The following SPIDR variants were observed in gnomAD, a reference collection of about 807,000 sequenced individuals.
SPIDR encodes scaffold protein involved in DNA repair, also known as DNA repair-scaffolding protein.
In SPIDR, 93 loss-of-function variants were observed where a neutral mutation model predicts 104.6. That is an observed-to-expected ratio of 0.89 (90% CI 0.75 to 1.06). The LOEUF (loss-of-function observed/expected upper bound fraction) is 1.06. Ranked by LOEUF, SPIDR falls within the 50% of genes least tolerant of loss-of-function variation. The pLI, the probability that SPIDR is intolerant of heterozygous loss-of-function variation, is 0.00. For synonymous variants in SPIDR, 431 were observed against 416.9 expected (o/e 1.03, Z -0.41); for missense variants, 1,154 against 1,111.2 (o/e 1.04, Z -0.55).
intron 10 of SPIDR, among the ~76,000 whole-genome samples, chr8:47,631,861 GCCAA>G (rs2154442613): frequency 6.6e-6 from 1 of 152,266 alleles, no homozygotes; most frequent in Non-Finnish European, 1.5e-5. Context: ...AAACCAAAAG[GCCAA>G]CTGTTTTATT....
intron 16 of SPIDR, among the ~76,000 whole-genome samples, chr8:47,722,615 T>C (rs2083560822): frequency 6.6e-6 from 1 of 152,240 alleles, no homozygotes; most frequent in Non-Finnish European, 1.5e-5. Context: ...CTGCACTTTA[T>C]ATTGTTAAGA....
At chr8:47,317,452 GGGAAGCTGGAACT>G (rs2154259329) in intron 5 of SPIDR, among the ~76,000 whole-genome samples, 1 of 152,244 alleles carries the variant, frequency 6.6e-6, no homozygotes, top group East Asian at 1.9e-4. Flanking sequence ...CAAAGCCACA[GGGAAGCTGGAACT>G]GGATGGAGCC....
chr8:47,387,420 A>G (rs2154304593), intron 5 of SPIDR, among the ~76,000 whole-genome samples: 1 of 152,216 alleles, frequency 6.6e-6, no homozygotes, highest in East Asian at 1.9e-4. Flanking sequence ...GGAGGGCAGG[A>G]GTGGAGCAAG....
At chr8:47,423,196 G>A (rs11785228) in intron 7 of SPIDR, among the ~76,000 whole-genome samples, 79,351 of 151,492 alleles carry the variant, frequency 0.52, 24,487 homozygotes, top group East Asian at 0.72. Flanking sequence ...TACTCGGGAG[G>A]CTGTTACAGG....
intron 15 of SPIDR, 149 bp downstream of exon 15, chr8:47,713,021 C>T (rs986360510): frequency 1.4e-5 from 20 of 1,416,900 alleles, no homozygotes; most frequent in Non-Finnish European, 1.7e-5. Flanking sequence ...GTACCAGCCT[C>T]CAGCCTTCAC....
At chr8:47,264,805 T>C (rs782403839) in intron 1 of SPIDR, among the ~76,000 whole-genome samples, 1 of 152,080 alleles carries the variant, frequency 6.6e-6, no homozygotes, top group Non-Finnish European at 1.5e-5. Flanking sequence ...CCTATATTGC[T>C]GGGTTGATGT....
At chr8:47,470,283 TTTTG>T (rs1411170884) in intron 8 of SPIDR, among the ~76,000 whole-genome samples, 1 of 151,974 alleles carries the variant, frequency 6.6e-6, no homozygotes, top group Non-Finnish European at 1.5e-5. Context: ...TGTTTTTCGT[TTTTG>T]TTTTTGTTTT....
intron 8 of SPIDR, among the ~76,000 whole-genome samples, chr8:47,447,772 C>T (rs544458905): frequency 6.6e-6 from 1 of 152,312 alleles, no homozygotes; most frequent in African/African-American, 2.4e-5. Flanking sequence ...GCCACAGCCA[C>T]TCCAGCCTTC....
intron 10 of SPIDR, among the ~76,000 whole-genome samples, chr8:47,608,626 T>C (rs1254666003): frequency 6.6e-6 from 1 of 152,260 alleles, no homozygotes; most frequent in Non-Finnish European, 1.5e-5. Flanking sequence ...ATTGTTGTCT[T>C]TCTTATTGTA....
chr8:47,274,866 G>A (rs941803024), intron 1 of SPIDR, among the ~76,000 whole-genome samples: 42 of 151,486 alleles, frequency 2.8e-4, no homozygotes, highest in Admixed American at 3.3e-4. Flanking sequence ...GAGCCACCGC[G>A]CCCGGCCTAG....
chr8:47,686,624 T>G (rs1020848730), intron 11 of SPIDR, among the ~76,000 whole-genome samples: 1 of 152,202 alleles, frequency 6.6e-6, no homozygotes, highest in Non-Finnish European at 1.5e-5. Context: ...GTATGTGAGC[T>G]GGGTCTTAAG....
At chr8:47,545,350 T>A (rs1164653091) in intron 8 of SPIDR, among the ~76,000 whole-genome samples, 1 of 152,092 alleles carries the variant, frequency 6.6e-6, no homozygotes, top group Non-Finnish European at 1.5e-5. Context: ...ATTACAGGTG[T>A]GAGCCACTGT....
Position 47,578,907 on chromosome 8 carries a change from A to G in SPIDR, c.1098-16904A>G, listed in dbSNP as rs530423198. 1.4e-3 allele frequency among the ~76,000 whole-genome samples: 217 copies of G among 152,328 alleles called. 4 individuals are homozygous for G. In the South Asian group the frequency reaches 0.044, roughly 31 times the overall value. On this transcript the variant is annotated intron_variant, in intron 8 of 19. Transcript: ENST00000297423. ...TTATATGTAACTGTCTGACTTGGGT[A>G]GGAAGGTAGAGAAACACCTTTGAAT... is the stretch of plus-strand genomic sequence containing the variant.
intron 8 of SPIDR, among the ~76,000 whole-genome samples, chr8:47,582,970 AT>A (rs2059881925): frequency 6.6e-6 from 1 of 151,814 alleles, no homozygotes; most frequent in South Asian, 2.1e-4. Context: ...GAAGACTGTT[AT>A]GTCTAGTTTT....
At chr8:47,728,169 G>T (rs912927942) in intron 17 of SPIDR, among the ~76,000 whole-genome samples, 1 of 151,564 alleles carries the variant, frequency 6.6e-6, no homozygotes, top group Non-Finnish European at 1.5e-5. Flanking sequence ...AGTGTCTCAC[G>T]CCTGTAATCC....
At chr8:47,532,151 A>G (rs1368849333) in intron 8 of SPIDR, among the ~76,000 whole-genome samples, 1 of 149,876 alleles carries the variant, frequency 6.7e-6, no homozygotes, top group Non-Finnish European at 1.5e-5. Context: ...GCTCACTGCA[A>G]CCTCCCCTCC....
chr8:47,689,122 A>C (rs1381613867), intron 11 of SPIDR, among the ~76,000 whole-genome samples: 5 of 152,222 alleles, frequency 3.3e-5, no homozygotes. Context: ...TTTTATCGGC[A>C]GAAGTACCAA....
chr8:47,457,845 T>C (rs1554710739), intron 8 of SPIDR, among the ~76,000 whole-genome samples: 1 of 152,158 alleles, frequency 6.6e-6, no homozygotes, highest in African/African-American at 2.4e-5. Context: ...TTGTGCTGAA[T>C]AGGGTGTCCT....
intron 19 of SPIDR, 38 bp downstream of exon 19, chr8:47,729,503 CAGT>C (rs762275486): frequency 2.7e-5 from 43 of 1,568,234 alleles, no homozygotes; most frequent in Admixed American, 1.3e-4. Context: ...GCCGCACACT[CAGT>C]AGCCTGCATG....
Sources: allele counts gnomAD v4.1 joint callset (sites outside exome capture counted in the v4.1 genomes callset), GRCh38; gene constraint gnomAD v4.1.1; transcripts MANE v1.5; gene names NCBI Gene and HGNC (gene_info 2026-07-23, HGNC 2026-07-21).